Variants in SAMD13 observed in about 807,000 individuals in gnomAD.
SAMD13 encodes sterile alpha motif domain containing 13, also known as sterile alpha motif domain-containing protein 13.
In SAMD13, 9 loss-of-function variants were observed where a neutral mutation model predicts 12.4. The observed-to-expected ratio is 0.72, with a 90% CI of 0.44 to 1.26. SAMD13 has a LOEUF of 1.26. SAMD13 is among the 50% of genes most tolerant of loss of function. SAMD13 has a pLI of 0.00. For missense variants in SAMD13, 84 were observed against 119.6 expected, an observed-to-expected ratio of 0.70 and a Z score of 1.39; for synonymous variants, 46 against 45.4, an observed-to-expected ratio of 1.01 and a Z score of -0.05.
intron 2 of SAMD13, among the ~76,000 whole-genome samples, chr1:84,321,755 C>A (rs1055447860): frequency 2.6e-5 from 4 of 152,224 alleles, no homozygotes; most frequent in Non-Finnish European, 1.5e-5. Flanking sequence ...CCTCCAGTAT[C>A]TTCCCATGTC....
intron 3 of SAMD13, among the ~76,000 whole-genome samples, chr1:84,328,895 G>A (rs928873780): frequency 6.6e-6 from 1 of 152,172 alleles, no homozygotes; most frequent in Admixed American, 6.5e-5. Context: ...AAGCAGGACA[G>A]GGATGGAGAG....
At chr1:84,299,669 ATATATATT>A (rs1325841050), upstream of SAMD13, 6 of 946,180 alleles carry the variant, frequency 6.3e-6, no homozygotes, top group African/African-American at 3.5e-5. Flanking sequence ...ATATATATAT[ATATATATT>A]TATTTATTTA....
chr1:84,323,940 A>G (rs750049207), intron 2 of SAMD13, among the ~76,000 whole-genome samples: 7 of 152,080 alleles, frequency 4.6e-5, no homozygotes, highest in Non-Finnish European at 8.8e-5. Context: ...CTCCACTTGG[A>G]TATAGACAGT....
rs1475694857 is a variant in SAMD13, at chr1:84,345,919, G to A, written c.166-3712G>A. 2.0e-5 allele frequency among the ~76,000 whole-genome samples: 3 copies of A among 152,010 alleles called. No individual in the cohort carries two copies. In the East Asian group the frequency reaches 5.8e-4, roughly 29 times the overall value. On this transcript the variant is annotated intron_variant, in intron 3 of 3. Transcript: ENST00000394834. ...GGGTCTCACTATGTTGCCCAGGCTGGCCTTGAATTCCTGGGCTCAAGCAAT... is the reference window on the plus strand; with the variant it reads ...GGGTCTCACTATGTTGCCCAGGCTGACCTTGAATTCCTGGGCTCAAGCAAT...
intron 2 of SAMD13, among the ~76,000 whole-genome samples, chr1:84,306,962 A>C (rs1678593418): frequency 6.6e-6 from 1 of 151,796 alleles, no homozygotes; most frequent in Non-Finnish European, 1.5e-5. Context: ...TTTTCTGTAT[A>C]CTTTTAGATA....
rs1558469498 is a variant in SAMD13 at position 84,349,827 on chromosome 1, G to T, written c.*53G>T. ...AAAAAATACATAATGACATAATTTA[G>T]TTTCATGTAATGAAACTTTGTAAAC... On this transcript the variant is annotated 3_prime_UTR_variant, in exon 4 of 4. Transcript: ENST00000394834. The T allele has an allele frequency of 1.3e-6, 2 of 1,567,022 alleles. No homozygotes were observed. Among genetic ancestry groups the T allele is most frequent in the East Asian group, 2.3e-5 (1 of 44,334 alleles).
At chr1:84,334,547 TCA>T (rs1679256141) in intron 3 of SAMD13, among the ~76,000 whole-genome samples, 1 of 152,156 alleles carries the variant, frequency 6.6e-6, no homozygotes, top group African/African-American at 2.4e-5. Context: ...TTTTCATGTC[TCA>T]GTTTCATTCG....
chr1:84,300,864 G>A (rs889042325), upstream of SAMD13, among the ~76,000 whole-genome samples: 3 of 152,144 alleles, frequency 2.0e-5, no homozygotes, highest in African/African-American at 7.2e-5. Flanking sequence ...GAATTTTGGG[G>A]TGGGCATAAT....
At chr1:84,319,571 G>C (rs1049461583) in intron 2 of SAMD13, among the ~76,000 whole-genome samples, 1 of 151,192 alleles carries the variant, frequency 6.6e-6, no homozygotes, top group Non-Finnish European at 1.5e-5. Flanking sequence ...GGAGGCAGAG[G>C]CTGCAATGAG....
chr1:84,348,322 C>A (rs1679575366), intron 3 of SAMD13, among the ~76,000 whole-genome samples: 1 of 152,168 alleles, frequency 6.6e-6, no homozygotes, highest in African/African-American at 2.4e-5. Flanking sequence ...ACATTTCCTT[C>A]CCAGCCTGGC....
At chr1:84,340,530 A>T (rs1413623819) in intron 3 of SAMD13, among the ~76,000 whole-genome samples, 1 of 152,230 alleles carries the variant, frequency 6.6e-6, no homozygotes, top group Non-Finnish European at 1.5e-5. Flanking sequence ...CAATGTGACC[A>T]TATACTTAAA....
chr1:84,299,453 G>A (rs1383751542), upstream of SAMD13: 3 of 332,886 alleles, frequency 9.0e-6, no homozygotes, highest in African/African-American at 4.3e-5. Context: ...GGATCGGAAG[G>A]TCTTGTTTGG....
rs774255353 is a variant in SAMD13, at chr1:84,349,801, C to CA, written c.*33dup. 9.5e-6 allele frequency: 15 copies of CA among 1,583,558 alleles called. No homozygotes were observed. The highest frequency in any genetic ancestry group is 1.2e-5 in the Non-Finnish European group (14 of 1,165,226). The stretch of plus-strand genomic sequence containing the variant: ...ACAGTCAAATTGGGGTCTTCGACCT[C>CA]AAAAAATACATAATGACATAATTTA... On this transcript the variant is annotated 3_prime_UTR_variant, in exon 4 of 4. Transcript: ENST00000394834.
At chr1:84,325,004 T>G (rs988047901) in intron 2 of SAMD13, among the ~76,000 whole-genome samples, 10 of 152,092 alleles carry the variant, frequency 6.6e-5, no homozygotes, top group Non-Finnish European at 1.5e-4. Context: ...TCTCCCACTC[T>G]AGTGGGAGAG....
chr1:84,323,047 C>T (rs1464493740), intron 2 of SAMD13, among the ~76,000 whole-genome samples: 2 of 152,094 alleles, frequency 1.3e-5, no homozygotes, highest in African/African-American at 4.8e-5. Flanking sequence ...CTGAAGTCAA[C>T]CACAGGGAGA....
chr1:84,298,675 C>CA (rs140095921), upstream of SAMD13: 5,290 of 1,057,068 alleles, frequency 5.0e-3, 197 homozygotes, highest in African/African-American at 0.076. Context: ...TCTGCCCTCC[C>CA]AAAAACACAT....
At chr1:84,314,984 C>T (rs1678800355) in intron 2 of SAMD13, among the ~76,000 whole-genome samples, 1 of 144,566 alleles carries the variant, frequency 6.9e-6, no homozygotes, top group Non-Finnish European at 1.5e-5. Context: ...GTCCCTCCCT[C>T]CCTCCCTCTC....
At chr1:84,302,204 T>G (rs928963687) in intron 1 of SAMD13, among the ~76,000 whole-genome samples, 1 of 152,174 alleles carries the variant, frequency 6.6e-6, no homozygotes, top group Non-Finnish European at 1.5e-5. Flanking sequence ...GCGAATATAC[T>G]AAATGATGCA....
At chr1:84,321,236 T>C (rs1302620770) in intron 2 of SAMD13, among the ~76,000 whole-genome samples, 5 of 152,128 alleles carry the variant, frequency 3.3e-5, no homozygotes, top group Admixed American at 3.3e-4. Flanking sequence ...ATGATATAAT[T>C]TTTATCAATA....
Sources: allele counts gnomAD v4.1 joint callset (sites outside exome capture counted in the v4.1 genomes callset), GRCh38; gene constraint gnomAD v4.1.1; transcripts MANE v1.5; gene names NCBI Gene and HGNC (gene_info 2026-07-23, HGNC 2026-07-21).